The following NFIA variants were observed in gnomAD, a reference collection of about 807,000 sequenced individuals.
NFIA encodes nuclear factor I A.
Under a neutral mutation model 62.8 loss-of-function variants are expected in NFIA, and 8 were observed. That is an observed-to-expected ratio of 0.13 (90% CI 0.07 to 0.23). NFIA has a LOEUF of 0.23. NFIA is among the 10% of genes least tolerant of loss of function. The pLI is 1.00. For missense variants in NFIA, 410 were observed against 642.1 expected, an observed-to-expected ratio of 0.64 and a Z score of 3.91; for synonymous variants, 235 against 238.1, an observed-to-expected ratio of 0.99 and a Z score of 0.12.
chr1:61,411,250 TG>T (rs949446924), intron 9 of NFIA, among the ~76,000 whole-genome samples: 5 of 151,468 alleles, frequency 3.3e-5, no homozygotes, highest in Admixed American at 2.6e-4. Flanking sequence ...AAGGCAGATG[TG>T]GGGGAAAAAA....
intron 3 of NFIA, among the ~76,000 whole-genome samples, chr1:61,320,565 A>T (rs1297729892): frequency 2.0e-5 from 3 of 152,134 alleles, no homozygotes; most frequent in Non-Finnish European, 2.9e-5. Flanking sequence ...AAGGATTTTT[A>T]AAAAATATTA....
chr1:61,435,396 G>A (rs1377090005), intron 10 of NFIA, among the ~76,000 whole-genome samples: 1 of 152,182 alleles, frequency 6.6e-6, no homozygotes. Flanking sequence ...TGAGTGAGTG[G>A]TTGTTGGCAT....
intron 2 of NFIA, among the ~76,000 whole-genome samples, chr1:61,199,803 T>C (rs1310232161): frequency 6.6e-6 from 1 of 151,468 alleles, no homozygotes; most frequent in Non-Finnish European, 1.5e-5. Context: ...GAGACCAGCC[T>C]GGGCAACACG....
chr1:61,118,275 C>G (rs960361521), intron 2 of NFIA, among the ~76,000 whole-genome samples: 1 of 151,826 alleles, frequency 6.6e-6, no homozygotes, highest in African/African-American at 2.4e-5. Context: ...TCAGCATGAT[C>G]ACTTCTGGGA....
intron 2 of NFIA, among the ~76,000 whole-genome samples, chr1:61,167,512 T>C (rs1173918204): frequency 6.6e-6 from 1 of 152,228 alleles, no homozygotes; most frequent in African/African-American, 2.4e-5. Flanking sequence ...TTTTATGCTA[T>C]GCCTTTTTGG....
At chr1:61,346,012 C>CT (rs765066818) in intron 4 of NFIA, among the ~76,000 whole-genome samples, 14 of 152,116 alleles carry the variant, frequency 9.2e-5, no homozygotes, top group Non-Finnish European at 1.9e-4. Flanking sequence ...GTGACTTAAT[C>CT]AAGTAAACAG....
chr1:61,145,725 T>C (rs1647877958), intron 2 of NFIA, among the ~76,000 whole-genome samples: 1 of 152,218 alleles, frequency 6.6e-6, no homozygotes, highest in South Asian at 2.1e-4. Flanking sequence ...AGATGATTGC[T>C]GATTCTCAGT....
At chr1:61,361,105 A>G (rs748827198) in intron 6 of NFIA, among the ~76,000 whole-genome samples, 82 of 152,174 alleles carry the variant, frequency 5.4e-4, no homozygotes, top group Non-Finnish European at 1.0e-3. Flanking sequence ...AAGCGCAGAG[A>G]TGGTGGTGTT....
chr1:61,131,997 A>G (rs921060456), intron 2 of NFIA, among the ~76,000 whole-genome samples: 1 of 152,206 alleles, frequency 6.6e-6, no homozygotes, highest in African/African-American at 2.4e-5. Flanking sequence ...CTTTACTGGC[A>G]CCTATTTAAA....
intron 2 of NFIA, among the ~76,000 whole-genome samples, chr1:61,204,928 A>T (rs1008502766): frequency 3.3e-5 from 5 of 152,178 alleles, no homozygotes; most frequent in Non-Finnish European, 7.4e-5. Context: ...GGCACCCACC[A>T]TTCTAGGCAC....
At chr1:61,374,312 C>T (rs1664045705) in intron 6 of NFIA, among the ~76,000 whole-genome samples, 1 of 151,988 alleles carries the variant, frequency 6.6e-6, no homozygotes, top group Non-Finnish European at 1.5e-5. Context: ...AAAATCAGTC[C>T]TTTCCTGAAC....
rs954584994 is a variant in NFIA, at chr1:61,459,265, T to C, written c.*3945T>C. On this transcript the variant is annotated 3_prime_UTR_variant, in exon 11 of 11. Transcript: ENST00000403491. The stretch of plus-strand genomic sequence containing the variant: ...GATGAGTCCCTCAAATTTCTGTGTT[T>C]TTTGTTTGTTTGTTTGTTTGTTTTT... 6.6e-6 allele frequency: 1 copy of C among 151,994 alleles called. No individual in the cohort carries two copies. The highest frequency in any genetic ancestry group is 2.4e-5 in the African/African-American group (1 of 41,124). The allele number at this position is 151,994 out of a possible 1,614,324, so 9.4% of individuals were successfully genotyped here.
chr1:61,454,458 C>A (rs1307792699), intron 10 of NFIA, among the ~76,000 whole-genome samples: 1 of 152,190 alleles, frequency 6.6e-6, no homozygotes, highest in Admixed American at 6.5e-5. Context: ...CTGGGCCTGG[C>A]AGGCACACAG....
At chr1:61,379,239 A>AT (rs1009023985) in intron 6 of NFIA, among the ~76,000 whole-genome samples, 6 of 150,724 alleles carry the variant, frequency 4.0e-5, no homozygotes, top group Non-Finnish European at 7.4e-5. Context: ...GAGTACCACA[A>AT]TTTTTTTTTC....
chr1:61,444,638 C>G (rs1667728105), intron 10 of NFIA, among the ~76,000 whole-genome samples: 1 of 152,130 alleles, frequency 6.6e-6, no homozygotes, highest in Non-Finnish European at 1.5e-5. Context: ...ACATTTTACT[C>G]CTTTAAAAGA....
chr1:61,349,187 A>G (rs1298781073), intron 4 of NFIA, among the ~76,000 whole-genome samples: 1 of 152,208 alleles, frequency 6.6e-6, no homozygotes, highest in Non-Finnish European at 1.5e-5. Flanking sequence ...GACTATCAGA[A>G]TTATTAATTA....
intron 2 of NFIA, among the ~76,000 whole-genome samples, chr1:61,137,925 T>C (rs2100500165): frequency 6.6e-6 from 1 of 152,162 alleles, no homozygotes; most frequent in African/African-American, 2.4e-5. Context: ...TAGCACATTT[T>C]CTTTCTCTCT....
At chr1:61,319,790 AACACACACACACACACACACACACAC>A (rs58845526) in intron 3 of NFIA, among the ~76,000 whole-genome samples, 18 of 139,618 alleles carry the variant, frequency 1.3e-4, no homozygotes, top group Non-Finnish European at 2.1e-4. Context: ...GGAAGAATTA[AACACACACACACACACACACACACAC>A]ACACACACAC....
intron 2 of NFIA, among the ~76,000 whole-genome samples, chr1:61,224,205 T>A (rs1028832683): frequency 3.3e-5 from 5 of 152,138 alleles, no homozygotes; most frequent in South Asian, 2.1e-4. Flanking sequence ...TGAACTTAAC[T>A]TTTCAATTTA....
Sources: allele counts gnomAD v4.1 joint callset (sites outside exome capture counted in the v4.1 genomes callset), GRCh38; gene constraint gnomAD v4.1.1; transcripts MANE v1.5; gene names NCBI Gene and HGNC (gene_info 2026-07-23, HGNC 2026-07-21).